Variants in MMP26 observed in about 807,000 individuals in gnomAD.
MMP26 encodes the protein matrix metallopeptidase 26, also known as matrix metalloproteinase-26.
In MMP26, 33 loss-of-function variants were observed where a neutral mutation model predicts 31.0. The observed-to-expected ratio is 1.06, with a 90% CI of 0.81 to 1.42. The LOEUF (loss-of-function observed/expected upper bound fraction) is 1.42, where lower values mean the gene tolerates loss of function less well. MMP26 is among the 40% of genes most tolerant of loss of function. The pLI is 0.00. For missense variants in MMP26, 347 were observed against 316.1 expected (o/e 1.10, Z -0.74); for synonymous variants, 122 against 114.9 (o/e 1.06, Z -0.40).
In MMP26 at chr11:4,947,619, G is replaced by A. The variant is rs1355174276; in HGVS notation, c.-144-40449G>A. 2 of 126,944 alleles carry A rather than the reference G, an allele frequency of 1.6e-5. 1 individual carries two copies. The highest frequency in any genetic ancestry group is 3.5e-5 in the Non-Finnish European group (2 of 56,422). 7.9% of individuals were successfully genotyped at this position (126,944 alleles called of 1,614,324 possible). A position where few individuals can be genotyped will look rare whatever the true frequency, so the allele number is the denominator to read the frequency against. On this transcript the variant is annotated intron_variant, in intron 2 of 7. Transcript: ENST00000380390. The stretch of plus-strand genomic sequence containing the variant: ...TGATATACAAACCCAAGGTATTGTT[G>A]AACTTGTCCACCACAAAAGACTCCT...
At chr11:4,935,109 G>GA (rs1851415026) in intron 2 of MMP26, among the ~76,000 whole-genome samples, 1 of 151,802 alleles carries the variant, frequency 6.6e-6, no homozygotes, top group East Asian at 1.9e-4. Context: ...CCAATTCTGT[G>GA]AAAAAAGTCA....
chr11:4,853,229 A>G (rs1441949924), intron 2 of MMP26, among the ~76,000 whole-genome samples: 1 of 152,232 alleles, frequency 6.6e-6, no homozygotes, highest in Non-Finnish European at 1.5e-5. Flanking sequence ...CCATACAAAC[A>G]TGCACACACA....
chr11:4,837,835 C>T (rs2133485909), intron 2 of MMP26, among the ~76,000 whole-genome samples: 1 of 151,988 alleles, frequency 6.6e-6, no homozygotes, highest in Middle Eastern at 3.4e-3. Flanking sequence ...TTCTGCTACC[C>T]TAATTTAACA....
intron 2 of MMP26, chr11:4,860,063 G>A (rs1257388386): frequency 4.2e-6 from 2 of 470,982 alleles, no homozygotes; most frequent in Non-Finnish European, 8.8e-6. Context: ...CAGAAGGGTA[G>A]GCACTTTATA....
rs1846349541 is a variant in MMP26 at position 4,949,381 on chromosome 11, C to A, written c.-144-38687C>A. On this transcript the variant is annotated intron_variant, in intron 2 of 7. Coordinates refer to ENST00000380390, the MANE Select transcript of MMP26 (RefSeq NM_021801.5). ...ATGTACAAAGAATATTAATATACAGCTATAATTATAATAATAAAATGAGGC... is the reference window on the plus strand; with the variant it reads ...ATGTACAAAGAATATTAATATACAGATATAATTATAATAATAAAATGAGGC... 1.6e-5 allele frequency among the ~76,000 whole-genome samples: 2 copies of A among 122,228 alleles called. 1 individual carries two copies. The highest frequency in any genetic ancestry group is 3.7e-5 in the Non-Finnish European group (2 of 54,158). The allele number at this position is 122,228 out of a possible 152,430, so 80.2% of individuals were successfully genotyped here. A position where few individuals can be genotyped will look rare whatever the true frequency, so the allele number is the denominator to read the frequency against.
At chr11:4,887,201 A>C (rs1352635462) in intron 2 of MMP26, among the ~76,000 whole-genome samples, 1 of 151,994 alleles carries the variant, frequency 6.6e-6, no homozygotes, top group Non-Finnish European at 1.5e-5. Context: ...AATAAATCTC[A>C]CTATTATATT....
At chr11:4,898,715 T>C (rs1324325528) in intron 2 of MMP26, among the ~76,000 whole-genome samples, 1 of 152,158 alleles carries the variant, frequency 6.6e-6, no homozygotes, top group Non-Finnish European at 1.5e-5. Flanking sequence ...AGGGGACATT[T>C]ACTTACCTCC....
chr11:4,865,146 C>T (rs1474203686), intron 2 of MMP26, among the ~76,000 whole-genome samples: 1 of 152,008 alleles, frequency 6.6e-6, no homozygotes, highest in Non-Finnish European at 1.5e-5. Flanking sequence ...TTTGACTATT[C>T]TCATTTTAAA....
At chr11:4,935,473 T>G (rs2133595047) in intron 2 of MMP26, among the ~76,000 whole-genome samples, 2 of 150,788 alleles carry the variant, frequency 1.3e-5, no homozygotes, top group African/African-American at 4.8e-5. Context: ...AAGGAGATTT[T>G]GGGCTGAGAC....
intron 2 of MMP26, among the ~76,000 whole-genome samples, chr11:4,773,322 T>C (rs1848749705): frequency 6.6e-6 from 1 of 152,188 alleles, no homozygotes; most frequent in African/African-American, 2.4e-5. Flanking sequence ...GTTCCATGTT[T>C]GGCAAACCTA....
intron 1 of MMP26, among the ~76,000 whole-genome samples, chr11:4,727,580 C>T (rs574621106): frequency 2.4e-4 from 36 of 152,110 alleles, no homozygotes; most frequent in Non-Finnish European, 4.7e-4. Flanking sequence ...AAGGCCGAGG[C>T]GGGTGGATCA....
chr11:4,849,000 A>G (rs1161780386), intron 2 of MMP26: 1 of 1,614,130 alleles, frequency 6.2e-7, no homozygotes, highest in South Asian at 1.1e-5. Context: ...CAAGAAGAGG[A>G]AGAAGTGCAT....
intron 2 of MMP26, among the ~76,000 whole-genome samples, chr11:4,803,020 A>G (rs571965427): frequency 5.3e-5 from 8 of 152,214 alleles, no homozygotes; most frequent in African/African-American, 1.9e-4. Flanking sequence ...ATATTCTCAG[A>G]TGAAGAAATA....
chr11:4,849,187 T>C, intron 2 of MMP26: 1 of 1,611,534 alleles, frequency 6.2e-7, no homozygotes, highest in South Asian at 1.1e-5. Flanking sequence ...TTGGGGGCTA[T>C]CTGAGTTGGT....
intron 2 of MMP26, among the ~76,000 whole-genome samples, chr11:4,891,417 A>C (rs536246710): frequency 1.3e-5 from 2 of 152,298 alleles, no homozygotes; most frequent in Non-Finnish European, 2.9e-5. Flanking sequence ...TCAAGAGGAC[A>C]GTACCAAGCC....
chr11:4,821,895 G>C, intron 2 of MMP26: 1 of 1,613,970 alleles, frequency 6.2e-7, no homozygotes, highest in Non-Finnish European at 8.5e-7. Flanking sequence ...TTGCCGTCAT[G>C]TTGCCAGTCA....
At chr11:4,938,497 G>A (rs1299186803) in intron 2 of MMP26, among the ~76,000 whole-genome samples, 7 of 150,078 alleles carry the variant, frequency 4.7e-5, no homozygotes, top group Non-Finnish European at 1.0e-4. Context: ...AAACATAAAA[G>A]CAAATGGGAA....
At chr11:4,821,276 G>A (rs11034073) in intron 2 of MMP26, 1 of 896,954 alleles carries the variant, frequency 1.1e-6, no homozygotes. Flanking sequence ...GCTCTGGGAA[G>A]CTAAAAAGAA....
chr11:4,933,527 GTTT>G (rs71050439), intron 2 of MMP26, among the ~76,000 whole-genome samples: 34 of 146,412 alleles, frequency 2.3e-4, no homozygotes, highest in South Asian at 4.4e-4. Context: ...TATTTTTTTT[GTTT>G]TTTTTTTTGT....
Sources: allele counts gnomAD v4.1 joint callset (sites outside exome capture counted in the v4.1 genomes callset), GRCh38; gene constraint gnomAD v4.1.1; transcripts MANE v1.5; gene names NCBI Gene and HGNC (gene_info 2026-07-23, HGNC 2026-07-21).